Variants in CNTNAP2 observed in about 807,000 individuals in gnomAD.
CNTNAP2 encodes the protein contactin-associated protein-like 2.
CNTNAP2 carries 98 observed loss-of-function variants against 155.2 expected under a neutral mutation model. The observed-to-expected ratio is 0.63, with a 90% CI of 0.54 to 0.75. CNTNAP2 has a LOEUF of 0.75. CNTNAP2 is among the 30% of genes least tolerant of loss of function. The probability of loss-of-function intolerance (pLI) is 0.00; values close to 1 mark genes in which losing one functional copy is unlikely to be tolerated. For missense variants in CNTNAP2, 1,727 were observed against 1,688.1 expected (o/e 1.02, Z -0.40); for synonymous variants, 651 against 631.2 (o/e 1.03, Z -0.47).
At chr7:146,592,526 A>G (rs1244365606) in intron 1 of CNTNAP2, among the ~76,000 whole-genome samples, 2 of 152,188 alleles carry the variant, frequency 1.3e-5, no homozygotes, top group Non-Finnish European at 2.9e-5. Context: ...GTGTCGCTCC[A>G]ATTCCTAAGA....
At chr7:148,017,276 A>C (rs1362824881) in intron 15 of CNTNAP2, among the ~76,000 whole-genome samples, 1 of 152,226 alleles carries the variant, frequency 6.6e-6, no homozygotes, top group Non-Finnish European at 1.5e-5. Flanking sequence ...TTTGTTTATC[A>C]GACGAACTGT....
intron 12 of CNTNAP2, among the ~76,000 whole-genome samples, chr7:147,595,572 G>A (rs1437943599): frequency 6.6e-6 from 1 of 152,138 alleles, no homozygotes; most frequent in Non-Finnish European, 1.5e-5. Flanking sequence ...GTATTCGATG[G>A]AAGCAAATGA....
chr7:148,353,915 G>T (rs1024255810), intron 21 of CNTNAP2, among the ~76,000 whole-genome samples: 8 of 152,132 alleles, frequency 5.3e-5, no homozygotes, highest in African/African-American at 1.7e-4. Flanking sequence ...GTCTGCTTCT[G>T]GTTTTATTAC....
At chr7:147,585,515 T>C (rs969221531) in intron 12 of CNTNAP2, among the ~76,000 whole-genome samples, 5 of 150,002 alleles carry the variant, frequency 3.3e-5, no homozygotes, top group Admixed American at 6.7e-5. Flanking sequence ...AATATATAGA[T>C]AGATGATATA....
At chr7:147,996,873 C>T (rs1438977245) in intron 15 of CNTNAP2, among the ~76,000 whole-genome samples, 1 of 152,164 alleles carries the variant, frequency 6.6e-6, no homozygotes, top group African/African-American at 2.4e-5. Flanking sequence ...CTGTTTTTGT[C>T]TTTCCAAAAT....
At chr7:147,362,403 C>A (rs1012574214) in intron 9 of CNTNAP2, among the ~76,000 whole-genome samples, 1 of 152,066 alleles carries the variant, frequency 6.6e-6, no homozygotes, top group African/African-American at 2.4e-5. Context: ...ACAAAGTGCT[C>A]GGATTACAGG....
At chr7:147,926,001 T>TA (rs1397414208) in intron 14 of CNTNAP2, among the ~76,000 whole-genome samples, 3 of 152,304 alleles carry the variant, frequency 2.0e-5, no homozygotes, top group African/African-American at 7.2e-5. Context: ...ATTTTAGTGA[T>TA]AAAAAATGTT....
intron 1 of CNTNAP2, among the ~76,000 whole-genome samples, chr7:146,118,630 G>T (rs1434766692): frequency 6.6e-6 from 1 of 152,024 alleles, no homozygotes; most frequent in Non-Finnish European, 1.5e-5. Flanking sequence ...CTTTAATTTT[G>T]ATGGGTCCAT....
intron 1 of CNTNAP2, among the ~76,000 whole-genome samples, chr7:146,444,661 C>CTCTTTTTT (rs1554434352): frequency 4.9e-5 from 7 of 142,260 alleles, no homozygotes; most frequent in African/African-American, 1.6e-4. Context: ...TCCTCTCTCT[C>CTCTTTTTT]TTTTTTTTTT....
intron 13 of CNTNAP2, among the ~76,000 whole-genome samples, chr7:147,657,951 G>A (rs1171114885): frequency 6.6e-6 from 1 of 152,062 alleles, no homozygotes; most frequent in Non-Finnish European, 1.5e-5. Flanking sequence ...AGTTTCCAAC[G>A]CTGTCTCTTA....
intron 1 of CNTNAP2, among the ~76,000 whole-genome samples, chr7:146,536,492 G>A (rs1283589270): frequency 6.6e-6 from 1 of 151,892 alleles, no homozygotes; most frequent in Admixed American, 6.6e-5. Context: ...GGAGGGTGAG[G>A]CAATAAGAGA....
At chr7:147,477,170 G>A (rs1424038059) in intron 10 of CNTNAP2, among the ~76,000 whole-genome samples, 5 of 152,152 alleles carry the variant, frequency 3.3e-5, no homozygotes, top group Middle Eastern at 3.4e-3. Flanking sequence ...GAGAAATATA[G>A]TTTACAATTA....
chr7:148,264,977 G>A (rs775132384), intron 20 of CNTNAP2, among the ~76,000 whole-genome samples: 8 of 152,344 alleles, frequency 5.3e-5, no homozygotes, highest in African/African-American at 1.7e-4. Flanking sequence ...ACAGGCGTAA[G>A]CCACTGCCCT....
chr7:146,381,952 A>C (rs1795395836), intron 1 of CNTNAP2, among the ~76,000 whole-genome samples: 1 of 152,174 alleles, frequency 6.6e-6, no homozygotes, highest in African/African-American at 2.4e-5. Context: ...TCCCTGATTA[A>C]GGTTTGCCCC....
intron 13 of CNTNAP2, among the ~76,000 whole-genome samples, chr7:147,814,680 C>T (rs1798238280): frequency 1.3e-5 from 2 of 152,106 alleles, no homozygotes; most frequent in South Asian, 4.1e-4. Flanking sequence ...AAACTCATCA[C>T]CATGTAAAAT....
chr7:146,334,609 T>C (rs1801243985), intron 1 of CNTNAP2, among the ~76,000 whole-genome samples: 1 of 152,056 alleles, frequency 6.6e-6, no homozygotes, highest in African/African-American at 2.4e-5. Context: ...CTGTATTGTA[T>C]GCATGAAACC....
intron 1 of CNTNAP2, among the ~76,000 whole-genome samples, chr7:146,556,356 A>C (rs537202582): frequency 6.6e-6 from 1 of 152,302 alleles, no homozygotes; most frequent in East Asian, 1.9e-4. Flanking sequence ...ACTTTGGATG[A>C]ATTGCTTAAT....
chr7:148,287,486 G>A (rs1004723546), intron 21 of CNTNAP2, among the ~76,000 whole-genome samples: 32 of 152,300 alleles, frequency 2.1e-4, no homozygotes, highest in African/African-American at 7.2e-4. Flanking sequence ...TTCATGCCAT[G>A]TGACCCATTG....
chr7:148,231,039 T>C (rs1795951295), intron 20 of CNTNAP2, among the ~76,000 whole-genome samples: 1 of 152,198 alleles, frequency 6.6e-6, no homozygotes, highest in Admixed American at 6.5e-5. Flanking sequence ...ATTTGTCACC[T>C]CTTTTAAAGA....
Sources: allele counts gnomAD v4.1 joint callset (sites outside exome capture counted in the v4.1 genomes callset), GRCh38; gene constraint gnomAD v4.1.1; transcripts MANE v1.5; gene names NCBI Gene and HGNC (gene_info 2026-07-23, HGNC 2026-07-21).